Variants in PACRGL observed in about 807,000 individuals in gnomAD.
PACRGL encodes the protein PACRG-like protein.
Under a neutral mutation model 34.5 loss-of-function variants are expected in PACRGL, and 38 were observed. That is an observed-to-expected ratio of 1.10 (90% CI 0.85 to 1.44). PACRGL has a LOEUF of 1.44. Among genes scored for constraint, PACRGL ranks in the 40% most tolerant of loss-of-function variants. The pLI, the probability that PACRGL is intolerant of heterozygous loss-of-function variation, is 0.00. For synonymous variants in PACRGL, 128 were observed against 100.1 expected, an observed-to-expected ratio of 1.28 and a Z score of -1.66; for missense variants, 305 against 281.4, an observed-to-expected ratio of 1.08 and a Z score of -0.60.
At chr4:20,755,036 C>T (rs114409046), downstream of PACRGL, among the ~76,000 whole-genome samples, 370 of 152,194 alleles carry the variant, frequency 2.4e-3, 1 homozygote, top group African/African-American at 8.4e-3. Flanking sequence ...ATTAATCTCT[C>T]ATTAATGCAG....
At chr4:20,717,387 T>A (rs1257728568) in intron 7 of PACRGL, among the ~76,000 whole-genome samples, 1 of 152,174 alleles carries the variant, frequency 6.6e-6, no homozygotes, top group Admixed American at 6.6e-5. Context: ...CTTTTTGTGT[T>A]TTAGACATGA....
At chr4:20,704,633 T>A in intron 2 of PACRGL, 27 bp from the exon 3 acceptor site, 1 of 1,613,786 alleles carries the variant, frequency 6.2e-7, no homozygotes, top group African/African-American at 1.3e-5. Flanking sequence ...TGTACCTGGT[T>A]TCTATTGATG....
At chr4:20,763,264 G>C in the PACRGL span, among the ~76,000 whole-genome samples, 13 of 152,112 alleles carry the variant, frequency 8.5e-5, no homozygotes, top group Non-Finnish European at 1.9e-4. Context: ...ACAGTATTTT[G>C]CTTTTTTGGA....
rs901760977 is a variant in PACRGL at position 20,730,351 on chromosome 4, A to G, written c.*3010A>G. On this transcript the variant is annotated 3_prime_UTR_variant, in exon 9 of 9. Transcript: ENST00000503585. ...TTATATTTTGTGGAGTCTATTGACC[A>G]GGCATTAAACCACTTTATTTAAATC... Among the ~76,000 whole-genome samples, 1 of 152,212 alleles carries G rather than the reference A, an allele frequency of 6.6e-6. No individual in the cohort carries two copies. The highest frequency in any genetic ancestry group is 2.4e-5 in the African/African-American group (1 of 41,466).
In PACRGL at chr4:20,732,335, G is replaced by T. The variant is rs76339875; in HGVS notation, c.*4994G>T. ...AATCCCACCTTCTAGATGTGACAGA[G>T]CTTGCGCAATTTGCTGAAACTTTCA... On this transcript the variant is annotated 3_prime_UTR_variant, in exon 9 of 9. Transcript: ENST00000503585. Among the ~76,000 whole-genome samples the T allele has an allele frequency of 0.062, 9,379 of 152,168 alleles. 347 individuals carry two copies. Among genetic ancestry groups the T allele is most frequent in the East Asian group, 0.1 (536 of 5,172 alleles).
At chr4:20,761,325 C>T in the PACRGL span, among the ~76,000 whole-genome samples, 1 of 152,184 alleles carries the variant, frequency 6.6e-6, no homozygotes, top group East Asian at 1.9e-4. Context: ...AGTTCCATTT[C>T]TCTGAAGGAC....
downstream of PACRGL, among the ~76,000 whole-genome samples, chr4:20,755,418 C>T (rs1463930690): frequency 6.6e-6 from 1 of 152,188 alleles, no homozygotes; most frequent in Non-Finnish European, 1.5e-5. Context: ...TTCCACTGTA[C>T]AGTGATAGCC....
chr4:20,756,589 G>T (rs1280467731), downstream of PACRGL, among the ~76,000 whole-genome samples: 1 of 151,844 alleles, frequency 6.6e-6, no homozygotes, highest in African/African-American at 2.4e-5. Flanking sequence ...TCTATTGGTT[G>T]TCGCTGTTTT....
chr4:20,732,020 C>A lies in PACRGL; in HGVS notation c.*4679C>A, dbSNP rs1560404167. 1 of 1,613,404 alleles carries A rather than the reference C, an allele frequency of 6.2e-7. No homozygotes were observed. The highest frequency in any genetic ancestry group is 8.5e-7 in the Non-Finnish European group (1 of 1,179,704). On this transcript the variant is annotated 3_prime_UTR_variant, in exon 9 of 9. Coordinates refer to ENST00000503585, the MANE Select transcript of PACRGL (RefSeq NM_001258345.3). ...TCATTACTTACTTTTTGGCAGCTTTCAATGAACTCATCTATGGTAACAACC... is the reference window on the plus strand; with the variant it reads ...TCATTACTTACTTTTTGGCAGCTTTAAATGAACTCATCTATGGTAACAACC...
chr4:20,703,504 G>A (rs1409647229), intron 1 of PACRGL, among the ~76,000 whole-genome samples: 1 of 144,498 alleles, frequency 6.9e-6, no homozygotes, highest in Non-Finnish European at 1.5e-5. Context: ...GTGTGTGTGT[G>A]TGTGTGTTTG....
Position 20,752,099 on chromosome 4 carries a change from C to G in PACRGL, c.*57-466C>G, listed in dbSNP as rs12647754. Among the ~76,000 whole-genome samples, 320 of 149,488 alleles carry G rather than the reference C, an allele frequency of 2.1e-3. 8 individuals are homozygous for G. The South Asian group carries it at 0.042, about 20-fold the overall frequency. On this transcript the variant is annotated intron_variant, in intron 8 of 8. Transcript: ENST00000507634. ...TTGAGACAAAGTACTGCTCTTGTCC[C>G]CCAGGCTGGAGTGCAATGGCACGAT...
downstream of PACRGL, among the ~76,000 whole-genome samples, chr4:20,754,616 G>A (rs1754190412): frequency 6.6e-6 from 1 of 152,106 alleles, no homozygotes; most frequent in Non-Finnish European, 1.5e-5. Flanking sequence ...TTCCTTCAGC[G>A]ATGCCTCATG....
chr4:20,727,702 G>A lies in PACRGL; in HGVS notation c.*361G>A, dbSNP rs1746356173. ...TTGTAGCTGTGCCCTTATTTTTATA[G>A]ATAGTTTGCCATTTCTTGGGTTTAA... is the stretch of plus-strand genomic sequence containing the variant. On this transcript the variant is annotated 3_prime_UTR_variant, in exon 9 of 9. Coordinates refer to ENST00000503585, the MANE Select transcript of PACRGL (RefSeq NM_001258345.3). The A allele has an allele frequency of 5.8e-6, 1 of 172,960 alleles. No homozygotes were observed. Among genetic ancestry groups the A allele is most frequent in the Admixed American group, 6.0e-5 (1 of 16,684 alleles). 10.7% of individuals were successfully genotyped at this position (172,960 alleles called of 1,614,324 possible). A position where few individuals can be genotyped will look rare whatever the true frequency, so the allele number is the denominator to read the frequency against.
At chr4:20,767,033 T>A in the PACRGL span, 1 of 152,182 alleles carries the variant, frequency 6.6e-6, no homozygotes, top group Non-Finnish European at 1.5e-5. Context: ...ACCTTACACA[T>A]CATATTTGGT....
chr4:20,698,214 G>C (rs1177459205), upstream of PACRGL, among the ~76,000 whole-genome samples: 1 of 152,172 alleles, frequency 6.6e-6, no homozygotes, highest in Non-Finnish European at 1.5e-5. Flanking sequence ...AAAGGGAAGA[G>C]TGTACCTATA....
chr4:20,734,776 AAAAAAC>A (rs758255882), downstream of PACRGL: 2 of 1,236,454 alleles, frequency 1.6e-6, no homozygotes, highest in East Asian at 2.4e-5. Context: ...GACATTTTTA[AAAAAAC>A]AAAAACAAAA....
the PACRGL span, among the ~76,000 whole-genome samples, chr4:20,764,681 G>GACACACACAC: frequency 0.03 from 4,478 of 147,136 alleles, 160 homozygotes; most frequent in East Asian, 0.17. Context: ...ATGGGAATTG[G>GACACACACAC]ACACACACAC....
At chr4:20,699,865 A>G (rs1469132084), upstream of PACRGL, among the ~76,000 whole-genome samples, 2 of 152,208 alleles carry the variant, frequency 1.3e-5, no homozygotes, top group Non-Finnish European at 1.5e-5. Context: ...ACTATTAAAA[A>G]TAATGTAGAG....
chr4:20,702,042 T>C (rs554408015), intron 1 of PACRGL: 66 of 437,724 alleles, frequency 1.5e-4, no homozygotes, highest in African/African-American at 1.0e-3. Flanking sequence ...ACTCATAAAC[T>C]GTAGAAGCTC....
Sources: gnomAD v4.1 joint callset for allele counts (sites outside exome capture counted in the v4.1 genomes callset) on GRCh38, gnomAD v4.1.1 for gene constraint, MANE v1.5 for transcripts, NCBI Gene and HGNC (gene_info 2026-07-23, HGNC 2026-07-21) for gene names.